EPHA10: variants seen among roughly 807,000 people sequenced by gnomAD.
The protein encoded by EPHA10 is ephrin type-A receptor 10.
EPHA10 carries 120 observed loss-of-function variants against 109.7 expected under a neutral mutation model. That is an observed-to-expected ratio of 1.09 (90% confidence interval 0.94 to 1.27). The LOEUF (loss-of-function observed/expected upper bound fraction) is 1.27, where lower values mean the gene tolerates loss of function less well. Among genes scored for constraint, EPHA10 ranks in the 50% most tolerant of loss-of-function variants. The probability of loss-of-function intolerance (pLI) is 0.00; values close to 1 mark genes in which losing one functional copy is unlikely to be tolerated. For synonymous variants in EPHA10, 640 were observed against 618.9 expected, an observed-to-expected ratio of 1.03 and a Z score of -0.51; for missense variants, 1,396 against 1,411.1, an observed-to-expected ratio of 0.99 and a Z score of 0.17.
rs1210187322 is a variant in EPHA10, at chr1:37,723,124, C to A, written c.1877G>T (p.Cys626Phe). 6.2e-7 allele frequency: 1 copy of A among 1,614,194 alleles called. No homozygotes were observed. The highest frequency in any genetic ancestry group is 1.1e-5 in the South Asian group (1 of 91,086). Residue 626 changes from cysteine (C) to phenylalanine (F), a missense_variant, in exon 10 of 17, where the codon TGT (cysteine) becomes TTT (phenylalanine). Coordinates refer to ENST00000373048, the MANE Select transcript of EPHA10 (RefSeq NM_001099439.2). ...TRRTFLDPQS[C>F]GDLLQAVHLF... ...ATGCACAGCCTGCAGCAGGTCCCCA[C>A]AGCTCTGGGGGTCCAGGAATGTGCG...
At chr1:37,747,203 C>T (rs1395900641) in intron 5 of EPHA10, among the ~76,000 whole-genome samples, 1 of 152,116 alleles carries the variant, frequency 6.6e-6, no homozygotes, top group East Asian at 1.9e-4. Context: ...GAGGAAAACT[C>T]ATAGCTTTAA....
In EPHA10 at chr1:37,752,898, G is replaced by T. The variant is rs1424564910; in HGVS notation, c.1335C>A (p.Val445=). Reference sequence around the variant, plus strand: ...TACCCCCGGGCCCGGTGGAGACGGTGACCTGCGCGTAGGTGGTTCCCGCGG... The same window carrying T: ...TACCCCCGGGCCCGGTGGAGACGGTTACCTGCGCGTAGGTGGTTCCCGCGG... ...AAAAGTTYAQ[V]TVSTGPGAPW... Residue 445 remains valine (V), a synonymous_variant, in exon 5 of 17, where the codon GTC becomes GTA. Coordinates refer to ENST00000373048, the MANE Select transcript of EPHA10 (RefSeq NM_001099439.2). 1 of 1,304,806 alleles carries T rather than the reference G, an allele frequency of 7.7e-7. No homozygotes were observed. The highest frequency in any genetic ancestry group is 3.2e-5 in the East Asian group (1 of 31,500). The allele number at this position is 1,304,806 out of a possible 1,614,324, so 80.8% of individuals were successfully genotyped here. A position where few individuals can be genotyped will look rare whatever the true frequency, so the allele number is the denominator to read the frequency against.
chr1:37,759,030 A>C (rs1238654443), intron 3 of EPHA10, among the ~76,000 whole-genome samples: 2 of 152,022 alleles, frequency 1.3e-5, no homozygotes, highest in African/African-American at 4.8e-5. Flanking sequence ...CTCTGCCACT[A>C]CCTTAGTTCA....
chr1:37,731,329 C>G, intron 7 of EPHA10, 82 bp downstream of exon 7: 1 of 1,408,018 alleles, frequency 7.1e-7, no homozygotes. Flanking sequence ...AGATAACTCT[C>G]CCCCTCTATT....
chr1:37,718,498 G>C lies in EPHA10; in HGVS notation c.2913-12C>G. The C allele has an allele frequency of 6.2e-7, 1 of 1,613,220 alleles. No individual in the cohort carries two copies. The highest frequency in any genetic ancestry group is 8.5e-7 in the Non-Finnish European group (1 of 1,179,888). ...GGCTCACCAGGTCCCTGAAACAAAG[G>C]CTGGTCACACTCGGCTGGCTTGTCC... On this transcript the variant is annotated splice_polypyrimidine_tract_variant and intron_variant, in intron 16 of 16. Transcript: ENST00000373048.
At position 37,753,017 on chromosome 1, in the gene EPHA10, G is replaced by T. The variant is rs1477659343; in HGVS notation, c.1216C>A (p.Arg406=). 6.5e-6 allele frequency: 8 copies of T among 1,229,448 alleles called. No individual in the cohort carries two copies. The highest frequency in any genetic ancestry group is 3.0e-5 in the South Asian group (1 of 32,798). The allele number at this position is 1,229,448 out of a possible 1,614,324, so 76.2% of individuals were successfully genotyped here. The part of the protein sequence containing the change: ...VAFLPRQAGL[R]ERAATLLHLR... ...TGCAGCAGCGTGGCGGCTCGCTCCC[G>T]CAGCCCTGCCTGGCGCGGTAGGAAG... is the stretch of plus-strand genomic sequence containing the variant. The change falls in exon 5 of 17, where the codon CGG becomes AGG. Residue 406 remains arginine, a synonymous_variant. Transcript: ENST00000373048.
Position 37,735,127 on chromosome 1 carries a change from C to G in EPHA10, c.1491+130G>C, listed in dbSNP as rs1646047533. The G allele has an allele frequency of 4.0e-6, 5 of 1,253,082 alleles. No homozygotes were observed. The South Asian group carries it at 7.0e-5, about 17-fold the overall frequency. The allele number at this position is 1,253,082 out of a possible 1,614,324, so 77.6% of individuals were successfully genotyped here. On this transcript the variant is annotated intron_variant, in intron 6 of 16. Coordinates refer to ENST00000373048, the MANE Select transcript of EPHA10 (RefSeq NM_001099439.2). Reference sequence around the variant, plus strand: ...AGGGGGAGACTCGAGCCTGGGGCCCCTAGGAGACGGGTGGTTATGTTTACA... The same window carrying G: ...AGGGGGAGACTCGAGCCTGGGGCCCGTAGGAGACGGGTGGTTATGTTTACA...
chr1:37,748,434 T>C (rs1415818423), intron 5 of EPHA10, among the ~76,000 whole-genome samples: 1 of 152,174 alleles, frequency 6.6e-6, no homozygotes, highest in Non-Finnish European at 1.5e-5. Context: ...GGCAGTTTTT[T>C]ATGCCTTCAA....
chr1:37,734,782 A>C, intron 6 of EPHA10: 2 of 362,776 alleles, frequency 5.5e-6, no homozygotes, highest in Non-Finnish European at 1.1e-5. Context: ...TTTTTATATG[A>C]CTGGAATTAT....
At chr1:37,747,512 C>T in intron 5 of EPHA10, among the ~76,000 whole-genome samples, 1 of 145,864 alleles carries the variant, frequency 6.9e-6, no homozygotes, top group Admixed American at 7.0e-5. Context: ...GATCATGCCA[C>T]TGCACTCCAG....
Position 37,718,079 on chromosome 1 carries a change from G to A in EPHA10, c.*293C>T, listed in dbSNP as rs1348986509. On this transcript the variant is annotated 3_prime_UTR_variant, in exon 17 of 17. Coordinates refer to ENST00000373048, the MANE Select transcript of EPHA10 (RefSeq NM_001099439.2). ...ACCCACTGTCTTCCCTCCCATCCCT[G>A]CCCCAGCTTTTCTCTGAGACCCCGA... The A allele has an allele frequency of 6.8e-6, 3 of 439,232 alleles. No homozygotes were observed. The highest frequency in any genetic ancestry group is 6.0e-5 in the African/African-American group (3 of 50,070). The allele number at this position is 439,232 out of a possible 1,614,324, so 27.2% of individuals were successfully genotyped here. A position where few individuals can be genotyped will look rare whatever the true frequency, so the allele number is the denominator to read the frequency against.
rs1645725696 is a variant in EPHA10, at chr1:37,718,350, G to A, written c.*22C>T. ...GGGACTGGACCCCCACCGGAGTCCT[G>A]CCTTGGAAGAATGGGGTCCACTCAC... On this transcript the variant is annotated 3_prime_UTR_variant, in exon 17 of 17. Coordinates refer to ENST00000373048, the MANE Select transcript of EPHA10 (RefSeq NM_001099439.2). 2.5e-6 allele frequency: 4 copies of A among 1,575,682 alleles called. No homozygotes were observed. In the East Asian group the frequency reaches 6.7e-5, roughly 26 times the overall value.
chr1:37,718,320 G>A lies in EPHA10; in HGVS notation c.*52C>T, dbSNP rs369946213. On this transcript the variant is annotated 3_prime_UTR_variant, in exon 17 of 17. Coordinates refer to ENST00000373048, the MANE Select transcript of EPHA10 (RefSeq NM_001099439.2). ...CAGCTTGCCACGGTCCTTGGGCAGG[G>A]CTGGGGGACTGGACCCCCACCGGAG... is the stretch of plus-strand genomic sequence containing the variant. The A allele has an allele frequency of 8.8e-6, 13 of 1,472,538 alleles. No homozygotes were observed. Among genetic ancestry groups the A allele is most frequent in the Non-Finnish European group, 1.1e-5 (12 of 1,075,440 alleles). The allele number at this position is 1,472,538 out of a possible 1,614,324, so 91.2% of individuals were successfully genotyped here.
intron 8 of EPHA10, among the ~76,000 whole-genome samples, chr1:37,724,023 G>A (rs1047059316): frequency 1.3e-5 from 2 of 152,264 alleles, no homozygotes; most frequent in African/African-American, 4.8e-5. Flanking sequence ...GAGCCCCTGT[G>A]GGGTTGAAGC....
intron 13 of EPHA10, 123 bp downstream of exon 13, chr1:37,720,228 A>C: frequency 7.1e-7 from 1 of 1,403,592 alleles, no homozygotes; most frequent in Non-Finnish European, 9.6e-7. Flanking sequence ...GTTCACTCGC[A>C]TTTATGCCAA....
At position 37,718,802 on chromosome 1, in the gene EPHA10, A is replaced by C; in HGVS notation, c.2771T>G (p.Leu924Arg). The change falls in exon 16 of 17, where the codon CTA becomes CGA. Residue 924 changes from leucine (L) to arginine (R), a missense_variant. By Grantham distance (102) the Leu-to-Arg change is moderately radical (BLOSUM62 -2). Transcript: ENST00000373048. ...LTTCPRPPTP[L>R]ADRAFSTFPS... The stretch of plus-strand genomic sequence containing the variant: ...GAAGGTGGAGAAGGCACGGTCCGCT[A>C]GTGGGGTGGGAGGCCTGCGGGTCAG... 1 of 1,611,764 alleles carries C rather than the reference A, an allele frequency of 6.2e-7. No individual in the cohort carries two copies. The highest frequency in any genetic ancestry group is 2.2e-5 in the East Asian group (1 of 44,856).
intron 5 of EPHA10, among the ~76,000 whole-genome samples, chr1:37,736,864 A>G (rs1270211631): frequency 6.6e-6 from 1 of 152,238 alleles, no homozygotes; most frequent in African/African-American, 2.4e-5. Context: ...ATCAAAAATA[A>G]TAAAATACTT....
At chr1:37,735,537 G>T in intron 5 of EPHA10, 147 bp from the exon 6 acceptor site, 1 of 944,862 alleles carries the variant, frequency 1.1e-6, no homozygotes, top group Non-Finnish European at 1.5e-6. Flanking sequence ...CGGGGCTAGG[G>T]AACTGACTGA....
Position 37,731,529 on chromosome 1 carries a change from G to A in EPHA10, c.1545C>T (p.Thr515=), listed in dbSNP as rs769884416. ...GGGTAGCCGGCTTCAGGTTGGTGAC[G>A]GTGACTGTGGGCGCCCCTGTCTTCA... is the stretch of plus-strand genomic sequence containing the variant. The part of the protein sequence containing the change: ...SMVKTGAPTV[T]VTNLKPATRY... The change falls in exon 7 of 17, where the codon ACC becomes ACT. Residue 515 remains threonine (T), a synonymous_variant. Transcript: ENST00000373048. The A allele has an allele frequency of 1.4e-5, 22 of 1,613,938 alleles. No individual in the cohort carries two copies. The highest frequency in any genetic ancestry group is 5.3e-5 in the African/African-American group (4 of 74,904).
Sources: allele counts gnomAD v4.1 joint callset (sites outside exome capture counted in the v4.1 genomes callset), GRCh38; gene constraint gnomAD v4.1.1; transcripts MANE v1.5; gene names NCBI Gene and HGNC (gene_info 2026-07-23, HGNC 2026-07-21).